AKR1B1: variants seen among roughly 807,000 people sequenced by gnomAD.
AKR1B1 encodes the protein aldo-keto reductase family 1 member B, also known as aldo-keto reductase family 1 member B1.
A neutral mutation model predicts 40.4 loss-of-function variants in AKR1B1; 22 were observed. That is an observed-to-expected ratio of 0.54 (90% CI 0.39 to 0.78). The LOEUF is 0.78. AKR1B1 is among the 30% of genes least tolerant of loss of function. The pLI, the probability that AKR1B1 is intolerant of heterozygous loss-of-function variation, is 0.00. For synonymous variants in AKR1B1, 157 were observed against 149.9 expected (o/e 1.05, Z -0.35); for missense variants, 357 against 396.7 (o/e 0.90, Z 0.85).
At chr7:134,454,889 AC>A (rs1739232655) in intron 1 of AKR1B1, among the ~76,000 whole-genome samples, 1 of 152,248 alleles carries the variant, frequency 6.6e-6, no homozygotes, top group Admixed American at 6.5e-5. Context: ...ATTCTAAGAC[AC>A]TGCTGTTTCC....
chr7:134,450,611 G>A (rs972953432), intron 3 of AKR1B1, among the ~76,000 whole-genome samples, 175 bp downstream of exon 3: 2 of 152,216 alleles, frequency 1.3e-5, no homozygotes, highest in Admixed American at 6.5e-5. Context: ...CGTGGGGCCC[G>A]AGACTGTGAT....
intron 2 of AKR1B1, chr7:134,451,159 G>A: frequency 3.4e-6 from 2 of 582,854 alleles, no homozygotes; most frequent in Non-Finnish European, 6.2e-6. Context: ...CTAGGCCTAA[G>A]CAAGAACTCT....
At position 134,449,705 on chromosome 7, in the gene AKR1B1, C is replaced by G. The variant is rs769423580; in HGVS notation, c.429+15G>C. On this transcript the variant is annotated intron_variant, in intron 4 of 9. Transcript: ENST00000285930. Reference sequence around the variant, plus strand: ...ACCAGTCACGAAAACAAGGTCCAACCAGGGGCTGTCTTACCGCCCACGTGT... The same window carrying G: ...ACCAGTCACGAAAACAAGGTCCAACGAGGGGCTGTCTTACCGCCCACGTGT... 36 of 1,611,166 alleles carry G rather than the reference C, an allele frequency of 2.2e-5. No homozygotes were observed. In the African/African-American group the frequency reaches 3.1e-4, roughly 14 times the overall value.
At position 134,449,000 on chromosome 7, in the gene AKR1B1, G is replaced by A. The variant is rs765608056; in HGVS notation, c.549C>T (p.Asn183=). ...KPGLKYKPAV[N]QIECHPYLTQ... is the part of the protein sequence containing the mutation. Reference sequence around the variant, plus strand: ...AGTGTCGTTGGGGGATGTTTACCTGGTTAACTGCAGGCTTATACTTCAAGC... The same window carrying A: ...AGTGTCGTTGGGGGATGTTTACCTGATTAACTGCAGGCTTATACTTCAAGC... Residue 183 remains asparagine (N), a synonymous_variant, in exon 5 of 10, where the codon AAC becomes AAT. Coordinates refer to ENST00000285930, the MANE Select transcript of AKR1B1 (RefSeq NM_001628.4). The A allele has an allele frequency of 6.2e-7, 1 of 1,614,084 alleles. No individual in the cohort carries two copies.
chr7:134,454,515 C>T (rs149083218), intron 1 of AKR1B1, among the ~76,000 whole-genome samples: 1 of 152,200 alleles, frequency 6.6e-6, no homozygotes, highest in East Asian at 1.9e-4. Flanking sequence ...CCTCTCTTCC[C>T]TCTGCAAGTC....
At chr7:134,449,288 G>C in intron 4 of AKR1B1, 169 bp from the exon 5 acceptor site, 2 of 974,300 alleles carry the variant, frequency 2.1e-6, no homozygotes, top group Admixed American at 3.7e-5. Context: ...GCTTTAATGA[G>C]ATAAGAAGAG....
intron 8 of AKR1B1, among the ~76,000 whole-genome samples, chr7:134,445,771 G>C (rs1263458670): frequency 2.6e-5 from 4 of 152,248 alleles, no homozygotes; most frequent in Non-Finnish European, 4.4e-5. Flanking sequence ...TTCCAGCCGG[G>C]AAACTGAACA....
intron 9 of AKR1B1, among the ~76,000 whole-genome samples, chr7:134,443,435 AG>A (rs1805999389): frequency 6.6e-6 from 1 of 152,048 alleles, no homozygotes; most frequent in South Asian, 2.1e-4. Context: ...GGATGTTAAA[AG>A]TCTGTATGTG....
Position 134,445,303 on chromosome 7 carries a change from C to T in AKR1B1, c.843G>A (p.Leu281=), listed in dbSNP as rs775040626. The stretch of plus-strand genomic sequence containing the variant: ...GTAAGGTGGTCATATCCTGGCTGCT[C>T]AGTTCAAAGTCAAAGACCTAAAAAA... ...AENFKVFDFE[L]SSQDMTTLLS... Residue 281 remains leucine, a synonymous_variant, in exon 9 of 10, where the codon CTG becomes CTA. Coordinates refer to ENST00000285930, the MANE Select transcript of AKR1B1 (RefSeq NM_001628.4). The T allele has an allele frequency of 6.2e-7, 1 of 1,612,980 alleles. No homozygotes were observed. Among genetic ancestry groups the T allele is most frequent in the Non-Finnish European group, 8.5e-7 (1 of 1,179,682 alleles).
Position 134,448,330 on chromosome 7 carries a change from T to C in AKR1B1, c.659+57A>G. 3 of 1,444,268 alleles carry C rather than the reference T, an allele frequency of 2.1e-6. No homozygotes were observed. In the East Asian group the frequency reaches 6.8e-5, roughly 33 times the overall value. 89.5% of individuals were successfully genotyped at this position (1,444,268 alleles called of 1,614,324 possible). A position where few individuals can be genotyped will look rare whatever the true frequency, so the allele number is the denominator to read the frequency against. On this transcript the variant is annotated intron_variant, in intron 6 of 9. Coordinates refer to ENST00000285930, the MANE Select transcript of AKR1B1 (RefSeq NM_001628.4). The stretch of plus-strand genomic sequence containing the variant: ...TTCCTTGAGGCTGAATTGTTCTTTT[T>C]AGTCTTTTCTAATCTTCACCAAGTG...
At chr7:134,447,914 T>TG in intron 7 of AKR1B1, 66 bp downstream of exon 7, 1 of 1,398,178 alleles carries the variant, frequency 7.2e-7, no homozygotes, top group Non-Finnish European at 1.0e-6. Context: ...TTCCTCCTCT[T>TG]GGCTAACAGG....
intron 1 of AKR1B1, among the ~76,000 whole-genome samples, chr7:134,457,114 G>A (rs1013939254): frequency 1.3e-5 from 2 of 151,062 alleles, no homozygotes; most frequent in Non-Finnish European, 2.9e-5. Context: ...CTCCAGCCTG[G>A]GTGACACTGA....
chr7:134,459,159 G>C (rs1409066938), upstream of AKR1B1: 7 of 1,423,188 alleles, frequency 4.9e-6, no homozygotes, highest in Admixed American at 6.0e-5. Context: ...AAGGGCGCCT[G>C]CGGTTGGCGC....
At chr7:134,456,651 T>C (rs890649562) in intron 1 of AKR1B1, among the ~76,000 whole-genome samples, 1 of 152,168 alleles carries the variant, frequency 6.6e-6, no homozygotes, top group African/African-American at 2.4e-5. Context: ...AAGTGGGCGT[T>C]TTCACCATAC....
intron 8 of AKR1B1, among the ~76,000 whole-genome samples, chr7:134,445,973 C>G (rs917357917): frequency 1.3e-5 from 2 of 152,218 alleles, no homozygotes; most frequent in Non-Finnish European, 2.9e-5. Context: ...CCACAAGAGG[C>G]TGACACACAC....
In AKR1B1 at chr7:134,459,037, T is replaced by C. The variant is rs754789251; in HGVS notation, c.26A>G (p.Asn9Ser). 57 of 1,608,240 alleles carry C rather than the reference T, an allele frequency of 3.5e-5. 1 individual carries two copies. The highest frequency in any genetic ancestry group is 2.0e-4 in the South Asian group (18 of 89,502). ...CCCCAGGATGGGCATCTTGGCGCCG[T>C]TGTTGAGCAGGAGACGGCTTGCCAT... MASRLLLNNGAKMPILGLG... is the reference protein window; with the variant it reads MASRLLLNSGAKMPILGLG... Residue 9 changes from asparagine (N) to serine (S), a missense_variant, in exon 1 of 10, where the codon AAC becomes AGC. Coordinates refer to ENST00000285930, the MANE Select transcript of AKR1B1 (RefSeq NM_001628.4).
rs1479544626 is a variant in AKR1B1 at position 134,456,402 on chromosome 7, T to C, written c.66+2595A>G. On this transcript the variant is annotated intron_variant, in intron 1 of 9. Coordinates refer to ENST00000285930, the MANE Select transcript of AKR1B1 (RefSeq NM_001628.4). ...TTTTAGTAGAGACGGGGTTTCACCA[T>C]GTTAGCCAGGACGGTCTCTATCTTC... Among the ~76,000 whole-genome samples the C allele has an allele frequency of 3.9e-5, 6 of 152,148 alleles. 1 individual carries two copies. In the South Asian group the frequency reaches 6.2e-4, roughly 16 times the overall value.
At chr7:134,458,760 CA>C (rs1806573365) in intron 1 of AKR1B1, among the ~76,000 whole-genome samples, 2 of 152,178 alleles carry the variant, frequency 1.3e-5, no homozygotes, top group South Asian at 4.1e-4. Context: ...GAGCTGCTCC[CA>C]AACCCCACTC....
At chr7:134,458,897 G>A in intron 1 of AKR1B1, 100 bp downstream of exon 1, 1 of 1,381,018 alleles carries the variant, frequency 7.2e-7, no homozygotes, top group Non-Finnish European at 1.0e-6. Flanking sequence ...CCGGGCGTCC[G>A]CGGGGCGAGC....
Sources: allele counts gnomAD v4.1 joint callset (sites outside exome capture counted in the v4.1 genomes callset), GRCh38; gene constraint gnomAD v4.1.1; transcripts MANE v1.5; gene names NCBI Gene and HGNC (gene_info 2026-07-23, HGNC 2026-07-21).